The following CSNK1G2 variants were observed in gnomAD, a reference collection of about 807,000 sequenced individuals.
CSNK1G2 encodes casein kinase I isoform gamma-2.
In CSNK1G2, 11 loss-of-function variants were observed where a neutral mutation model predicts 48.0. The observed-to-expected ratio is 0.23, with a 90% confidence interval of 0.14 to 0.38. The LOEUF is 0.38. Ranked by LOEUF, CSNK1G2 falls within the 10% of genes least tolerant of loss-of-function variation. The probability of loss-of-function intolerance (pLI) is 1.00; values close to 1 mark genes in which losing one functional copy is unlikely to be tolerated. For synonymous variants in CSNK1G2, 337 were observed against 254.1 expected, an observed-to-expected ratio of 1.33 and a Z score of -3.10; for missense variants, 446 against 595.5, an observed-to-expected ratio of 0.75 and a Z score of 2.61.
At chr19:1,973,547 G>A (rs1337193717) in intron 2 of CSNK1G2, among the ~76,000 whole-genome samples, 3 of 152,364 alleles carry the variant, frequency 2.0e-5, no homozygotes, top group Middle Eastern at 3.4e-3. Flanking sequence ...GCGTGTGACA[G>A]GAGTGCTTGG....
intron 1 of CSNK1G2, among the ~76,000 whole-genome samples, chr19:1,955,909 C>G (rs867770616): frequency 6.6e-6 from 1 of 152,210 alleles, no homozygotes; most frequent in Non-Finnish European, 1.5e-5. Context: ...AAGTAGCAAC[C>G]CCAACCTGCC....
At chr19:1,955,812 G>A (rs529253730) in intron 1 of CSNK1G2, among the ~76,000 whole-genome samples, 1 of 152,298 alleles carries the variant, frequency 6.6e-6, no homozygotes, top group East Asian at 1.9e-4. Flanking sequence ...GTGTGGCTCA[G>A]CTCTGCAGGG....
intron 1 of CSNK1G2, among the ~76,000 whole-genome samples, chr19:1,946,289 T>TATTTATTTATTTATTTA (rs56098852): frequency 4.2e-5 from 6 of 143,874 alleles, no homozygotes; most frequent in Admixed American, 7.0e-5. Flanking sequence ...TTTATTTATT[T>TATTTATTTATTTATTTA]TTTATTTATT....
chr19:1,961,165 C>T (rs2015186252), intron 1 of CSNK1G2, among the ~76,000 whole-genome samples: 1 of 152,256 alleles, frequency 6.6e-6, no homozygotes, highest in African/African-American at 2.4e-5. Flanking sequence ...AGGGACAGCC[C>T]AGTGTGACCC....
rs970555439 is a variant in CSNK1G2, at chr19:1,969,651, A to T, written c.-122A>T. The T allele has an allele frequency of 1.2e-4, 112 of 896,108 alleles. 1 individual carries two copies. In the African/African-American group the frequency reaches 1.8e-3, roughly 15 times the overall value. The allele number at this position is 896,108 out of a possible 1,614,324, so 55.5% of individuals were successfully genotyped here. A position where few individuals can be genotyped will look rare whatever the true frequency, so the allele number is the denominator to read the frequency against. On this transcript the variant is annotated 5_prime_UTR_variant, in exon 2 of 12. Transcript: ENST00000255641. The stretch of plus-strand genomic sequence containing the variant: ...CTCAGTAGCTGGGAGCCACGGGCCC[A>T]CGCCCGCCCACCGGCCGCAGTGATG...
rs1599334357 is a variant in CSNK1G2, at chr19:1,978,906, C to T, written c.495C>T (p.Asp165=). Reference sequence around the variant, plus strand: ...ACACCAAGAGCCTAATCTACCGGGACGTGAAGCCCGAGAACTTCCTGGTGG... The same window carrying T: ...ACACCAAGAGCCTAATCTACCGGGATGTGAAGCCCGAGAACTTCCTGGTGG... The part of the protein sequence containing the change: ...YVHTKSLIYR[D]VKPENFLVGR... Residue 165 remains aspartate (D), a synonymous_variant, in exon 6 of 12, where the codon GAC becomes GAT. Coordinates refer to ENST00000255641, the MANE Select transcript of CSNK1G2 (RefSeq NM_001319.7). This position sits in a 1 kb window ranked among gnomAD's most constrained non-coding sequence, Gnocchi z 7.3. The T allele has an allele frequency of 5.6e-6, 9 of 1,602,954 alleles. No individual in the cohort carries two copies. Among genetic ancestry groups the T allele is most frequent in the South Asian group, 3.3e-5 (3 of 91,076 alleles).
intron 2 of CSNK1G2, chr19:1,975,220 A>G: frequency 2.0e-6 from 2 of 985,482 alleles, no homozygotes; most frequent in African/African-American, 3.5e-5. Flanking sequence ...GCTGGGGAGG[A>G]CGTTGGCGAG....
intron 2 of CSNK1G2, among the ~76,000 whole-genome samples, chr19:1,970,956 G>A (rs549514869): frequency 1.2e-4 from 18 of 152,322 alleles, no homozygotes; most frequent in African/African-American, 3.4e-4. Flanking sequence ...ACAGGCCCAC[G>A]CAGTGGTCAT....
chr19:1,975,722 G>A lies in CSNK1G2; in HGVS notation c.188-2583G>A, dbSNP rs562675092. The A allele has an allele frequency of 4.1e-4, 403 of 983,438 alleles. 1 individual carries two copies. In the African/African-American group the frequency reaches 6.5e-3, roughly 16 times the overall value. The allele number at this position is 983,438 out of a possible 1,614,324, so 60.9% of individuals were successfully genotyped here. A position where few individuals can be genotyped will look rare whatever the true frequency, so the allele number is the denominator to read the frequency against. On this transcript the variant is annotated intron_variant, in intron 2 of 11. Transcript: ENST00000255641. ...TGAGCTCTAAAACTTCAAACCTGGG[G>A]CAGTGTCCTGAGCTCTAAAACTTCG...
chr19:1,974,952 G>C (rs1026141284), intron 2 of CSNK1G2, among the ~76,000 whole-genome samples: 4 of 152,160 alleles, frequency 2.6e-5, no homozygotes, highest in East Asian at 1.9e-4. Context: ...GCCGGAGGAG[G>C]CCCCTTTGGC....
chr19:1,962,309 C>T (rs545454375), intron 1 of CSNK1G2, among the ~76,000 whole-genome samples: 2 of 150,970 alleles, frequency 1.3e-5, no homozygotes, highest in African/African-American at 2.4e-5. Context: ...CCAGCCTGGG[C>T]GAAAGAGTGA....
At chr19:1,953,373 G>A in intron 1 of CSNK1G2, 1 of 533,690 alleles carries the variant, frequency 1.9e-6, no homozygotes. Context: ...GGCCTGGGTG[G>A]GGGTGTTCTC....
At chr19:1,941,594 T>G in intron 1 of CSNK1G2, among the ~76,000 whole-genome samples, 176 bp downstream of exon 1, 1 of 84,922 alleles carries the variant, frequency 1.2e-5, no homozygotes, top group East Asian at 3.3e-4. Context: ...CCCCGCAAGC[T>G]GACCCCCACA....
chr19:1,970,555 G>A (rs1374735310), intron 2 of CSNK1G2, among the ~76,000 whole-genome samples: 2 of 152,212 alleles, frequency 1.3e-5, no homozygotes, highest in Non-Finnish European at 2.9e-5. Flanking sequence ...CCTCTCATTG[G>A]CCAGGGGTGC....
At position 1,977,739 on chromosome 19, in the gene CSNK1G2, C is replaced by T. The variant is rs957904757; in HGVS notation, c.188-566C>T. Among the ~76,000 whole-genome samples the T allele has an allele frequency of 5.4e-4, 74 of 136,696 alleles. 1 individual carries two copies. The highest frequency in any genetic ancestry group is 1.9e-3 in the African/African-American group (67 of 35,560). 89.7% of individuals were successfully genotyped at this position (136,696 alleles called of 152,430 possible). A position where few individuals can be genotyped will look rare whatever the true frequency, so the allele number is the denominator to read the frequency against. ...CTACACTCCAGACTGGGCAACAGAG[C>T]GACACCGTCTCAAAAAAAAAAAAAA... is the stretch of plus-strand genomic sequence containing the variant. On this transcript the variant is annotated intron_variant, in intron 2 of 11. Coordinates refer to ENST00000255641, the MANE Select transcript of CSNK1G2 (RefSeq NM_001319.7).
In CSNK1G2 at chr19:1,978,406, AC is replaced by A. The variant is rs772473292; in HGVS notation, c.229-33del. The A allele has an allele frequency of 1.9e-4, 313 of 1,611,460 alleles. 1 individual carries two copies. Among genetic ancestry groups the A allele is most frequent in the Non-Finnish European group, 2.3e-5 (27 of 1,179,030 alleles). ...GCCCCCCAGGGATTTCAGGGCAGCG[AC>A]CCGGTCCCCTGGTGACTCGCTCTTG... is the stretch of plus-strand genomic sequence containing the variant. On this transcript the variant is annotated intron_variant, in intron 3 of 11. Transcript: ENST00000255641. This position sits in a 1 kb window ranked among gnomAD's most constrained non-coding sequence, Gnocchi z 7.3.
chr19:1,977,552 A>T (rs1443262011), intron 2 of CSNK1G2, among the ~76,000 whole-genome samples: 1 of 152,272 alleles, frequency 6.6e-6, no homozygotes, highest in South Asian at 2.1e-4. Flanking sequence ...CAGGAGTTCA[A>T]GATCAGCCCG....
chr19:1,964,824 C>A (rs2015313489), intron 1 of CSNK1G2, among the ~76,000 whole-genome samples: 1 of 151,324 alleles, frequency 6.6e-6, no homozygotes, highest in Non-Finnish European at 1.5e-5. Context: ...CTCCCGGGTT[C>A]ACCCCATTCT....
chr19:1,971,938 AT>A (rs1453187219), intron 2 of CSNK1G2, among the ~76,000 whole-genome samples: 4 of 151,692 alleles, frequency 2.6e-5, no homozygotes, highest in Admixed American at 2.6e-4. Flanking sequence ...CCCGGCTAAT[AT>A]TTTGTATTTT....
Sources: allele counts gnomAD v4.1 joint callset (sites outside exome capture counted in the v4.1 genomes callset), GRCh38; gene constraint gnomAD v4.1.1; non-coding constraint Gnocchi (gnomAD v3.1); transcripts MANE v1.5; gene names NCBI Gene and HGNC (gene_info 2026-07-23, HGNC 2026-07-21).